Variants in FAM149B1 observed in about 807,000 individuals in gnomAD.
FAM149B1 encodes primary cilium assembly protein FAM149B1.
FAM149B1 carries 56 observed loss-of-function variants against 75.3 expected under a neutral mutation model. That is an observed-to-expected ratio of 0.74 (90% CI 0.60 to 0.93). The LOEUF (loss-of-function observed/expected upper bound fraction) is 0.93. Among genes scored for constraint, FAM149B1 ranks in the 40% least tolerant of loss-of-function variants. The probability of loss-of-function intolerance (pLI) is 0.00; values close to 1 mark genes in which losing one functional copy is unlikely to be tolerated. For missense variants in FAM149B1, 639 were observed against 708.4 expected (o/e 0.90, Z 1.11); for synonymous variants, 259 against 256.1 (o/e 1.01, Z -0.11).
chr10:73,195,321 T>C (rs2042777390), intron 5 of FAM149B1, among the ~76,000 whole-genome samples: 1 of 152,194 alleles, frequency 6.6e-6, no homozygotes, highest in Non-Finnish European at 1.5e-5. Flanking sequence ...ATGATATTTG[T>C]TTGCTATTCC....
At chr10:73,238,112 G>A (rs1012075644) in intron 12 of FAM149B1, among the ~76,000 whole-genome samples, 5 of 152,144 alleles carry the variant, frequency 3.3e-5, no homozygotes, top group Non-Finnish European at 7.3e-5. Flanking sequence ...TTGGGAGGCT[G>A]AGGTGGGCAG....
intron 5 of FAM149B1, among the ~76,000 whole-genome samples, chr10:73,208,288 G>A (rs953272473): frequency 6.6e-6 from 1 of 152,342 alleles, no homozygotes; most frequent in South Asian, 2.1e-4. Flanking sequence ...CCAGAACTGT[G>A]AGCCTATTAA....
At chr10:73,234,683 G>A (rs1338551868) in intron 10 of FAM149B1, 134 bp from the exon 11 acceptor site, 2 of 958,280 alleles carry the variant, frequency 2.1e-6, no homozygotes, top group Non-Finnish European at 3.0e-6. Context: ...ATCTCTACTT[G>A]AAAACATAGG....
At position 73,168,285 on chromosome 10, in the gene FAM149B1, GGCGTGCCT is replaced by G; in HGVS notation, c.-52_-45del. On this transcript the variant is annotated 5_prime_UTR_variant, in exon 1 of 14. Transcript: ENST00000242505. ...GGCCAGGCCCGGAGGCCCCCACCCT[GGCGTGCCT>G]GCCCCGGCCGCGGCTGAGGAGGAGG... 4.5e-6 allele frequency: 7 copies of G among 1,541,810 alleles called. No homozygotes were observed. Among genetic ancestry groups the G allele is most frequent in the Non-Finnish European group, 6.1e-6 (7 of 1,142,322 alleles).
chr10:73,240,418 G>A (rs1319268933), intron 13 of FAM149B1, among the ~76,000 whole-genome samples: 3 of 152,174 alleles, frequency 2.0e-5, no homozygotes, highest in African/African-American at 7.2e-5. Context: ...CACATTGAAA[G>A]TCAGGTATAA....
intron 6 of FAM149B1, among the ~76,000 whole-genome samples, chr10:73,209,255 C>A (rs1172715924): frequency 6.6e-6 from 1 of 152,122 alleles, no homozygotes; most frequent in East Asian, 1.9e-4. Flanking sequence ...TTGAGACTAG[C>A]CTGGCCAACA....
At chr10:73,230,226 A>C (rs1205701115) in intron 8 of FAM149B1, 196 bp from the exon 9 acceptor site, 1 of 481,730 alleles carries the variant, frequency 2.1e-6, no homozygotes, top group Non-Finnish European at 3.8e-6. Context: ...TTAGGAATGG[A>C]GAGGAAAGGA....
At position 73,168,191 on chromosome 10, in the gene FAM149B1, G is replaced by C; in HGVS notation, c.-149G>C. ...GGGGACCCTGGGGAGGTGGCTGCTC[G>C]GAGTCTAGGTGACGGGGCGAGACGG... On this transcript the variant is annotated 5_prime_UTR_variant, in exon 1 of 14. Coordinates refer to ENST00000242505, the MANE Select transcript of FAM149B1 (RefSeq NM_173348.2). The C allele has an allele frequency of 1.3e-6, 1 of 779,958 alleles. No individual in the cohort carries two copies. The highest frequency in any genetic ancestry group is 1.9e-5 in the South Asian group (1 of 52,548). 48.3% of individuals were successfully genotyped at this position (779,958 alleles called of 1,614,324 possible). A position where few individuals can be genotyped will look rare whatever the true frequency, so the allele number is the denominator to read the frequency against.
intron 6 of FAM149B1, 120 bp downstream of exon 6, chr10:73,208,906 TTTATG>T (rs1197004054): frequency 3.6e-5 from 22 of 607,882 alleles, no homozygotes; most frequent in African/African-American, 3.2e-4. Context: ...TGTTATTTAT[TTTATG>T]TTATTTCTCA....
intron 12 of FAM149B1, 161 bp downstream of exon 12, chr10:73,235,479 TCTAA>T: frequency 7.0e-7 from 1 of 1,423,188 alleles, no homozygotes; most frequent in Non-Finnish European, 9.2e-7. Context: ...TTGTTCAAAT[TCTAA>T]CTAGTCCCTG....
chr10:73,185,336 C>T (rs1481018155), intron 3 of FAM149B1, among the ~76,000 whole-genome samples: 3 of 152,084 alleles, frequency 2.0e-5, no homozygotes, highest in Non-Finnish European at 4.4e-5. Flanking sequence ...ATCACTTGAA[C>T]CCAGTAGTTT....
At chr10:73,234,690 T>G in intron 10 of FAM149B1, 127 bp from the exon 11 acceptor site, 1 of 986,590 alleles carries the variant, frequency 1.0e-6, no homozygotes, top group Non-Finnish European at 1.5e-6. Context: ...CTTGAAAACA[T>G]AGGTAGCCTA....
At position 73,168,162 on chromosome 10, in the gene FAM149B1, A is replaced by C. The variant is rs1423668067; in HGVS notation, c.-178A>C. On this transcript the variant is annotated 5_prime_UTR_variant, in exon 1 of 14. Coordinates refer to ENST00000242505, the MANE Select transcript of FAM149B1 (RefSeq NM_173348.2). ...AAGCAGGGAGGTCGGAGGACTGGAG[A>C]GGTGGGGACCCTGGGGAGGTGGCTG... is the stretch of plus-strand genomic sequence containing the variant. 5 of 628,322 alleles carry C rather than the reference A, an allele frequency of 8.0e-6. No individual in the cohort carries two copies. The highest frequency in any genetic ancestry group is 1.4e-5 in the Non-Finnish European group (5 of 368,884). The allele number at this position is 628,322 out of a possible 1,614,324, so 38.9% of individuals were successfully genotyped here. A position where few individuals can be genotyped will look rare whatever the true frequency, so the allele number is the denominator to read the frequency against.
chr10:73,210,144 C>T, intron 6 of FAM149B1, 107 bp from the exon 7 acceptor site: 12 of 688,612 alleles, frequency 1.7e-5, no homozygotes, highest in Middle Eastern at 4.3e-4. Flanking sequence ...TTCTATTTTC[C>T]ATTTTTCCTC....
At chr10:73,205,656 C>G (rs2043039202) in intron 5 of FAM149B1, among the ~76,000 whole-genome samples, 2 of 152,100 alleles carry the variant, frequency 1.3e-5, no homozygotes, top group Admixed American at 6.5e-5. Context: ...CGGATTCAAG[C>G]AATTCTCCTG....
chr10:73,211,507 C>T (rs1406622762), intron 7 of FAM149B1, among the ~76,000 whole-genome samples: 1 of 152,106 alleles, frequency 6.6e-6, no homozygotes, highest in Non-Finnish European at 1.5e-5. Context: ...ATGGAATGAC[C>T]CATATATTTA....
intron 12 of FAM149B1, among the ~76,000 whole-genome samples, chr10:73,237,439 C>T (rs966061094): frequency 6.6e-6 from 1 of 150,506 alleles, no homozygotes; most frequent in Non-Finnish European, 1.5e-5. Context: ...TTTTTTGAGA[C>T]GGAGTCTTAC....
At chr10:73,173,975 T>C (rs763575460) in intron 1 of FAM149B1, among the ~76,000 whole-genome samples, 2 of 152,228 alleles carry the variant, frequency 1.3e-5, no homozygotes, top group African/African-American at 2.4e-5. Context: ...CATGGTGCTT[T>C]TGAGATCCAT....
intron 6 of FAM149B1, among the ~76,000 whole-genome samples, chr10:73,209,959 A>G (rs1436326531): frequency 6.6e-6 from 1 of 152,074 alleles, no homozygotes; most frequent in Non-Finnish European, 1.5e-5. Flanking sequence ...TCATGTGCAC[A>G]CAGCCCTAGG....
Sources: allele counts gnomAD v4.1 joint callset (sites outside exome capture counted in the v4.1 genomes callset), GRCh38; gene constraint gnomAD v4.1.1; transcripts MANE v1.5; gene names NCBI Gene and HGNC (gene_info 2026-07-23, HGNC 2026-07-21).